DNAH11: variants seen among roughly 807,000 people sequenced by gnomAD.
The protein encoded by DNAH11 is axonemal beta dynein heavy chain 11.
In DNAH11, 442 loss-of-function variants were observed where a neutral mutation model predicts 526.0. The ratio of observed to expected loss-of-function variants is 0.84; its 90% CI spans 0.78 to 0.91. The LOEUF is 0.91. Among genes scored for constraint, DNAH11 ranks in the 40% least tolerant of loss-of-function variants. The pLI is 0.00. For missense variants in DNAH11, 6,989 were observed against 5,448.7 expected (o/e 1.28, Z -8.90); for synonymous variants, 2,461 against 1,935.9 (o/e 1.27, Z -7.12).
chr7:21,788,410 G>A (rs1460964184), intron 60 of DNAH11, among the ~76,000 whole-genome samples: 1 of 152,052 alleles, frequency 6.6e-6, no homozygotes, highest in Non-Finnish European at 1.5e-5. Context: ...CAAGAGTTTA[G>A]ACAGGTTGTG....
In DNAH11 at chr7:21,744,253, A is replaced by G. The variant is rs138086134; in HGVS notation, c.8155-185A>G. Reference sequence around the variant, plus strand: ...CCTAAAAATGGGTATAAGCATACTAAAATTTTAAAATATTGCACTTATCAA... The same window carrying G: ...CCTAAAAATGGGTATAAGCATACTAGAATTTTAAAATATTGCACTTATCAA... On this transcript the variant is annotated intron_variant, in intron 49 of 81. Transcript: ENST00000409508. Among the ~76,000 whole-genome samples, 854 of 152,328 alleles carry G rather than the reference A, an allele frequency of 5.6e-3. 11 individuals are homozygous for G. The highest frequency in any genetic ancestry group is 0.019 in the African/African-American group (807 of 41,560).
At chr7:21,691,358 G>C (rs1201553500) in intron 35 of DNAH11, among the ~76,000 whole-genome samples, 3 of 151,532 alleles carry the variant, frequency 2.0e-5, no homozygotes, top group Non-Finnish European at 2.9e-5. Flanking sequence ...GCTGGGGTGG[G>C]GGGAGCAGGA....
Position 21,885,171 on chromosome 7 carries a change from TAA to T in DNAH11, c.12507+777_12507+778del, listed in dbSNP as rs778429337. On this transcript the variant is annotated intron_variant, in intron 76 of 81. Coordinates refer to ENST00000409508, the MANE Select transcript of DNAH11 (RefSeq NM_001277115.2). ...TTTGGATCTTGTTCCAAATGAACTA[TAA>T]AAAAAAAAAAAAAAACACACACATT... Among the ~76,000 whole-genome samples, 112 of 114,588 alleles carry T rather than the reference TAA, an allele frequency of 9.8e-4. 2 individuals carry two copies. Among genetic ancestry groups the T allele is most frequent in the African/African-American group, 3.6e-3 (105 of 29,006 alleles). The allele number at this position is 114,588 out of a possible 152,430, so 75.2% of individuals were successfully genotyped here. A position where few individuals can be genotyped will look rare whatever the true frequency, so the allele number is the denominator to read the frequency against.
chr7:21,617,298 C>T (rs1785824025), intron 22 of DNAH11, among the ~76,000 whole-genome samples: 1 of 152,150 alleles, frequency 6.6e-6, no homozygotes, highest in Non-Finnish European at 1.5e-5. Flanking sequence ...TTTCCATTTA[C>T]TTATGTTTAT....
chr7:21,780,321 G>T (rs1300993284), intron 57 of DNAH11, among the ~76,000 whole-genome samples: 2 of 152,082 alleles, frequency 1.3e-5, no homozygotes. Flanking sequence ...GAGGCAGGAG[G>T]ATAGCTTCAG....
At chr7:21,827,587 A>G (rs1259311767) in intron 65 of DNAH11, among the ~76,000 whole-genome samples, 2 of 151,952 alleles carry the variant, frequency 1.3e-5, no homozygotes, top group Non-Finnish European at 2.9e-5. Context: ...ATAGTCTTAA[A>G]GTAGCATGCT....
At chr7:21,704,386 T>G in intron 37 of DNAH11, 48 bp from the exon 38 acceptor site, 1 of 1,540,480 alleles carries the variant, frequency 6.5e-7, no homozygotes, top group Non-Finnish European at 8.8e-7. Context: ...TTTTTAGGTG[T>G]TTGTTAGACC....
At chr7:21,883,054 G>A (rs1783979706) in intron 75 of DNAH11, among the ~76,000 whole-genome samples, 1 of 152,268 alleles carries the variant, frequency 6.6e-6, no homozygotes, top group South Asian at 2.1e-4. Flanking sequence ...GCATGTTGCG[G>A]TCTAGGCACC....
intron 46 of DNAH11, among the ~76,000 whole-genome samples, chr7:21,736,253 A>G (rs1206436155): frequency 2.0e-5 from 3 of 152,270 alleles, no homozygotes; most frequent in African/African-American, 7.2e-5. Context: ...GACAGAGCCA[A>G]GAGTCATTAA....
At chr7:21,871,138 T>C (rs947217525) in intron 73 of DNAH11, among the ~76,000 whole-genome samples, 1 of 152,216 alleles carries the variant, frequency 6.6e-6, no homozygotes, top group East Asian at 1.9e-4. Context: ...TAAAGGTGTT[T>C]AGATAGTAGT....
At chr7:21,897,396 T>A (rs1784555624) in intron 79 of DNAH11, among the ~76,000 whole-genome samples, 1 of 151,814 alleles carries the variant, frequency 6.6e-6, no homozygotes. Context: ...GCCATCACTC[T>A]CCTCTTGTCA....
chr7:21,750,079 AAAAG>A, intron 53 of DNAH11, 139 bp from the exon 54 acceptor site: 2 of 1,198,936 alleles, frequency 1.7e-6, no homozygotes, highest in Non-Finnish European at 2.3e-6. Flanking sequence ...TCGTAAATAA[AAAAG>A]AAACATGACG....
intron 14 of DNAH11, among the ~76,000 whole-genome samples, chr7:21,595,387 G>C (rs796600717): frequency 6.6e-6 from 1 of 152,214 alleles, no homozygotes; most frequent in South Asian, 2.1e-4. Context: ...GCACAGGCAC[G>C]TAACAGATGA....
intron 11 of DNAH11, 100 bp downstream of exon 11, chr7:21,588,736 T>C: frequency 2.2e-6 from 3 of 1,382,052 alleles, no homozygotes; most frequent in African/African-American, 1.4e-5. Context: ...AGGAAGCCAT[T>C]GCCCTGTTCA....
chr7:21,692,306 C>T (rs1270446017), intron 35 of DNAH11, among the ~76,000 whole-genome samples: 1 of 152,106 alleles, frequency 6.6e-6, no homozygotes, highest in African/African-American at 2.4e-5. Context: ...AGAATATTTC[C>T]ACACCCCCAG....
chr7:21,637,809 A>G, intron 27 of DNAH11, 107 bp downstream of exon 27: 1 of 587,202 alleles, frequency 1.7e-6, no homozygotes, highest in Non-Finnish European at 2.7e-6. Context: ...AACCTCTACT[A>G]AATTATTTTG....
At chr7:21,752,639 G>C (rs13233310) in intron 54 of DNAH11, among the ~76,000 whole-genome samples, 1 of 152,086 alleles carries the variant, frequency 6.6e-6, no homozygotes, top group Admixed American at 6.5e-5. Flanking sequence ...TGGATCCTCA[G>C]ATCCATTTCT....
At chr7:21,811,981 G>A (rs1247921530) in intron 63 of DNAH11, among the ~76,000 whole-genome samples, 1 of 152,088 alleles carries the variant, frequency 6.6e-6, no homozygotes. Context: ...ATGGGGGGTG[G>A]GGATGTGCAT....
rs764383079 is a variant in DNAH11 at position 21,784,527 on chromosome 7, A to G, written c.9584A>G (p.Asn3195Ser). The change falls in exon 58 of 82, where the codon AAT becomes AGT. Residue 3195 changes from asparagine to serine, a missense_variant. Physicochemically the swap from Asn to Ser is conservative, Grantham distance 46. Coordinates refer to ENST00000409508, the MANE Select transcript of DNAH11 (RefSeq NM_001277115.2). ...CTGGTGGCTGCTACAGCTGCACTCA[A>G]TACACTCAACAGGGTAAAGATAATT... The part of the protein sequence containing the change: ...PALVAATAAL[N>S]TLNRVNLSEL... The G allele has an allele frequency of 1.1e-5, 18 of 1,609,926 alleles. No homozygotes were observed. In the East Asian group the frequency reaches 2.7e-4, roughly 24 times the overall value.
Sources: allele counts gnomAD v4.1 joint callset (sites outside exome capture counted in the v4.1 genomes callset), GRCh38; gene constraint gnomAD v4.1.1; transcripts MANE v1.5; gene names NCBI Gene and HGNC (gene_info 2026-07-23, HGNC 2026-07-21).